The following ABR variants were observed in gnomAD, a reference collection of about 807,000 sequenced individuals.
ABR encodes active breakpoint cluster region-related protein.
A neutral mutation model predicts 107.2 loss-of-function variants in ABR; 35 were observed. The observed-to-expected ratio is 0.33, with a 90% CI of 0.25 to 0.43. ABR has a LOEUF of 0.43. ABR is among the 20% of genes least tolerant of loss of function. The pLI, the probability that ABR is intolerant of heterozygous loss-of-function variation, is 1.00. For missense variants in ABR, 815 were observed against 1,115.2 expected, an observed-to-expected ratio of 0.73 and a Z score of 3.83; for synonymous variants, 498 against 462.0, an observed-to-expected ratio of 1.08 and a Z score of -1.00.
intron 4 of ABR, among the ~76,000 whole-genome samples, chr17:1,090,314 C>G (rs1026404964): frequency 2.4e-4 from 36 of 152,108 alleles, no homozygotes; most frequent in African/African-American, 8.4e-4. Flanking sequence ...TTCCTCGGAG[C>G]CTGACCTTCA....
intron 16 of ABR, among the ~76,000 whole-genome samples, chr17:1,028,457 C>T (rs1376168456): frequency 6.6e-6 from 1 of 152,170 alleles, no homozygotes. Flanking sequence ...TGGTCTTGGA[C>T]TCCTGACATC....
At chr17:1,028,783 G>A (rs11247575) in intron 16 of ABR, among the ~76,000 whole-genome samples, 52,136 of 152,030 alleles carry the variant, frequency 0.34, 9,212 homozygotes, top group East Asian at 0.6. Context: ...AGTCCCCACC[G>A]CCGGCCAGCA....
chr17:1,221,749 C>G (rs1177619878), intron 1 of ABR, among the ~76,000 whole-genome samples: 3 of 152,062 alleles, frequency 2.0e-5, no homozygotes, highest in Non-Finnish European at 4.4e-5. Flanking sequence ...AAAGGATCTG[C>G]GTAGAAAACA....
At chr17:1,090,455 C>T (rs1051076227) in intron 4 of ABR, among the ~76,000 whole-genome samples, 12 of 152,146 alleles carry the variant, frequency 7.9e-5, no homozygotes, top group African/African-American at 2.6e-4. Context: ...CGCAGCTGTC[C>T]AGGTGAGGGC....
chr17:1,116,382 C>T (rs1481668787), intron 2 of ABR, among the ~76,000 whole-genome samples: 1 of 152,196 alleles, frequency 6.6e-6, no homozygotes. Flanking sequence ...GTGACCTGGG[C>T]ATGTCATCTA....
chr17:1,179,773 G>T lies in ABR; in HGVS notation c.-46C>A, dbSNP rs1265826665. On this transcript the variant is annotated 5_prime_UTR_variant, in exon 1 of 23. Coordinates refer to ENST00000302538, the MANE Select transcript of ABR (RefSeq NM_021962.5). The surrounding 1 kb of genome is among the most constrained non-coding windows in gnomAD (Gnocchi z 4.9). ...AGATCCGAAACCCGACCCTCATCGC[G>T]CAACAAAGGAGGGAGAGCGGGCGGG... 6.8e-6 allele frequency: 3 copies of T among 443,870 alleles called. No individual in the cohort carries two copies. The highest frequency in any genetic ancestry group is 5.1e-5 in the East Asian group (1 of 19,754). 27.5% of individuals were successfully genotyped at this position (443,870 alleles called of 1,614,324 possible).
intron 1 of ABR, among the ~76,000 whole-genome samples, chr17:1,205,799 T>C (rs2042776944): frequency 2.6e-5 from 4 of 152,150 alleles, no homozygotes; most frequent in Admixed American, 6.6e-5. Context: ...AAAAATTAGC[T>C]GGATGTGGTG....
chr17:1,070,031 C>T lies in ABR; in HGVS notation c.954G>A (p.Leu318=), dbSNP rs1344181657. The change falls in exon 9 of 23, where the codon CTG becomes CTA. Residue 318 remains leucine, a synonymous_variant. Coordinates refer to ENST00000302538, the MANE Select transcript of ABR (RefSeq NM_021962.5). This position sits in a 1 kb window ranked among gnomAD's most constrained non-coding sequence, Gnocchi z 4.2. ...LVEVSESSRK[L]RHVFLFTDVL... ...CATCTGTAAAGAGGAAGACGTGCCG[C>T]AGCTTCCGGGAGCTCTCTGACACTT... is the stretch of plus-strand genomic sequence containing the variant. 1.2e-6 allele frequency: 2 copies of T among 1,613,686 alleles called. No homozygotes were observed. Among genetic ancestry groups the T allele is most frequent in the South Asian group, 2.2e-5 (2 of 91,058 alleles).
rs561921894 is a variant in ABR at position 1,027,697 on chromosome 17, C to T, written c.1792-14533G>A. On this transcript the variant is annotated intron_variant, in intron 16 of 22. Transcript: ENST00000302538. This position sits in a 1 kb window ranked among gnomAD's most constrained non-coding sequence, Gnocchi z 4.7. ...GGCTGGTGTAGGGGCCTCCAGCTCT[C>T]GGGGGAGGCAGCACTGTAGTCCCCT... 9.9e-5 allele frequency among the ~76,000 whole-genome samples: 15 copies of T among 152,050 alleles called. No homozygotes were observed. Among genetic ancestry groups the T allele is most frequent in the Admixed American group, 7.8e-4 (12 of 15,288 alleles).
chr17:1,079,187 T>TCACACA, intron 6 of ABR, 143 bp downstream of exon 6: 1 of 1,473,792 alleles, frequency 6.8e-7, no homozygotes, highest in Non-Finnish European at 9.0e-7. Flanking sequence ...CAGCTCACAC[T>TCACACA]CACACGCGCT....
At chr17:1,151,352 G>C (rs530020066) in intron 1 of ABR, among the ~76,000 whole-genome samples, 1 of 152,192 alleles carries the variant, frequency 6.6e-6, no homozygotes, top group South Asian at 2.1e-4. Context: ...GAACTCATCT[G>C]ACAATTCATC....
intron 1 of ABR, among the ~76,000 whole-genome samples, chr17:1,178,222 C>G (rs1405583376): frequency 6.6e-6 from 1 of 152,006 alleles, no homozygotes; most frequent in Non-Finnish European, 1.5e-5. Context: ...TCACCCTTCT[C>G]TACTCCCCCC....
chr17:1,077,658 A>G (rs2035840884), intron 6 of ABR, among the ~76,000 whole-genome samples: 4 of 151,972 alleles, frequency 2.6e-5, no homozygotes, highest in Admixed American at 2.6e-4. Flanking sequence ...AGCCCAGGAA[A>G]CCTGCCATCT....
rs1249235755 is a variant in ABR, at chr17:1,010,853, G to A, written c.2112C>T (p.Asp704=). The A allele has an allele frequency of 3.7e-6, 6 of 1,613,812 alleles. No homozygotes were observed. Among genetic ancestry groups the A allele is most frequent in the Non-Finnish European group, 5.1e-6 (6 of 1,180,010 alleles). Residue 704 remains aspartate, a synonymous_variant, in exon 20 of 23, where the codon GAC becomes GAT. Coordinates refer to ENST00000302538, the MANE Select transcript of ABR (RefSeq NM_021962.5). The surrounding 1 kb of genome is among the most constrained non-coding windows in gnomAD (Gnocchi z 4.1). ...LKAVFDANNK[D]ILLMLSDMDI... is the part of the protein sequence containing the mutation. Reference sequence around the variant, plus strand: ...CCATGTCACTCAGCATCAGCAGGATGTCCTTGTTATCTGCAGGGGTGGGGC... The same window carrying A: ...CCATGTCACTCAGCATCAGCAGGATATCCTTGTTATCTGCAGGGGTGGGGC...
chr17:1,214,804 AG>A (rs59495964), intron 1 of ABR, among the ~76,000 whole-genome samples: 73,413 of 145,918 alleles, frequency 0.5, 19,334 homozygotes, highest in East Asian at 0.99. Flanking sequence ...TCCACCTCAA[AG>A]AAAAAAATAT....
intron 1 of ABR, among the ~76,000 whole-genome samples, chr17:1,164,800 G>A (rs1466900582): frequency 2.0e-5 from 3 of 152,044 alleles, no homozygotes; most frequent in Non-Finnish European, 4.4e-5. Context: ...CGTAGGAGCT[G>A]GGACTACAGG....
At chr17:1,057,566 CG>C (rs1169854379) in intron 12 of ABR, among the ~76,000 whole-genome samples, 4 of 150,716 alleles carry the variant, frequency 2.7e-5, no homozygotes, top group African/African-American at 4.9e-5. Flanking sequence ...TTAGTAGAGA[CG>C]GGGTTTCACC....
chr17:1,067,921 T>C (rs1415638742), intron 9 of ABR, among the ~76,000 whole-genome samples: 2 of 152,204 alleles, frequency 1.3e-5, no homozygotes, highest in African/African-American at 2.4e-5. Flanking sequence ...TCCTTTATTA[T>C]TATTATTTTT....
chr17:1,136,982 C>A (rs2040091074), intron 1 of ABR, among the ~76,000 whole-genome samples: 1 of 142,182 alleles, frequency 7.0e-6, no homozygotes, highest in South Asian at 2.3e-4. Flanking sequence ...TTCAACAAGC[C>A]TTCCTCACTA....
Sources: gnomAD v4.1 joint callset for allele counts (sites outside exome capture counted in the v4.1 genomes callset) on GRCh38, gnomAD v4.1.1 for gene constraint, Gnocchi (gnomAD v3.1) non-coding constraint, MANE v1.5 for transcripts, NCBI Gene and HGNC (gene_info 2026-07-23, HGNC 2026-07-21) for gene names.